Variants in CDK5RAP2 observed in about 807,000 individuals in gnomAD.
CDK5RAP2 encodes the protein CDK5 regulatory subunit-associated protein 2.
Under a neutral mutation model 232.9 loss-of-function variants are expected in CDK5RAP2, and 147 were observed. The observed-to-expected ratio is 0.63, with a 90% CI of 0.55 to 0.72. The LOEUF is 0.72. Among genes scored for constraint, CDK5RAP2 ranks in the 30% least tolerant of loss-of-function variants. The probability of loss-of-function intolerance (pLI) is 0.00; values close to 1 mark genes in which losing one functional copy is unlikely to be tolerated. For missense variants in CDK5RAP2, 2,195 were observed against 2,231.5 expected (o/e 0.98, Z 0.33); for synonymous variants, 833 against 833.7 (o/e 1.00, Z 0.01).
chr9:120,453,820 G>C lies in CDK5RAP2; in HGVS notation c.2429C>G (p.Thr810Arg). 1.2e-6 allele frequency: 2 copies of C among 1,614,186 alleles called. No homozygotes were observed. The highest frequency in any genetic ancestry group is 2.2e-5 in the South Asian group (2 of 91,088). ...GTGTTCTCCAGAAACTTCCTGCTCT[G>C]TCAAGAATAGTTGTCCCAGAAGCAG... Reference protein sequence around the residue: ...RELLLGQLFLTEQEVSGEHLD... With the variant: ...RELLLGQLFLREQEVSGEHLD... The change falls in exon 21 of 38, where the codon ACA becomes AGA. Residue 810 changes from threonine (T) to arginine (R), a missense_variant. By Grantham distance (71) the Thr-to-Arg change is moderately conservative. Transcript: ENST00000349780.
chr9:120,530,106 T>C lies in CDK5RAP2; in HGVS notation c.697A>G (p.Lys233Glu), dbSNP rs2041083379. Residue 233 changes from lysine to glutamate, a missense_variant, in exon 8 of 38, where the codon AAA becomes GAA. Lys to Glu is a moderately conservative substitution (Grantham distance 56). Transcript: ENST00000349780. ...IEELKLSLKSKEALIQCLKEE... is the reference protein window; with the variant it reads ...IEELKLSLKSEEALIQCLKEE... ...TTAAGGCACTGAATTAAAGCTTCTT[T>C]GCTCTTCAAAGACAGCTTCAACTCC... The C allele has an allele frequency of 1.2e-6, 2 of 1,613,806 alleles. No homozygotes were observed. Among genetic ancestry groups the C allele is most frequent in the African/African-American group, 2.7e-5 (2 of 74,932 alleles).
intron 12 of CDK5RAP2, among the ~76,000 whole-genome samples, chr9:120,515,001 G>C (rs1214368397): frequency 6.6e-6 from 1 of 151,932 alleles, no homozygotes; most frequent in East Asian, 1.9e-4. Context: ...AATTTCAAAT[G>C]ATTACAAAGA....
intron 18 of CDK5RAP2, among the ~76,000 whole-genome samples, chr9:120,463,509 A>G (rs1357466881): frequency 6.6e-6 from 1 of 152,194 alleles, no homozygotes; most frequent in Non-Finnish European, 1.5e-5. Flanking sequence ...ACTGCCCAGG[A>G]AAGGTCCCCA....
chr9:120,403,659 A>C lies in CDK5RAP2; in HGVS notation c.5041+377T>G. On this transcript the variant is annotated intron_variant, in intron 33 of 37. Transcript: ENST00000349780. The surrounding 1 kb of genome is among the most constrained non-coding windows in gnomAD (Gnocchi z 4.2). ...GCAAAGAGTGGGACAAAGGGGGTCT[A>C]AAAGTCACAGTGAGAGGAAAGTGTG... 2.9e-6 allele frequency: 1 copy of C among 340,494 alleles called. No homozygotes were observed. The highest frequency in any genetic ancestry group is 2.8e-5 in the South Asian group (1 of 35,484). The allele number at this position is 340,494 out of a possible 1,614,324, so 21.1% of individuals were successfully genotyped here.
intron 31 of CDK5RAP2, chr9:120,408,087 C>T (rs1182785126): frequency 2.0e-6 from 1 of 503,138 alleles, no homozygotes; most frequent in Admixed American, 3.1e-5. Context: ...AAGTGGCCTA[C>T]TGAGGGTCAC....
intron 31 of CDK5RAP2, chr9:120,407,714 A>AT (rs1424571084): frequency 1.2e-5 from 2 of 160,508 alleles, no homozygotes; most frequent in African/African-American, 2.5e-5. Context: ...AGTAAAATAA[A>AT]AAAAAAAAAA....
rs1038090722 is a variant in CDK5RAP2, at chr9:120,440,239, G to A, written c.3149-267C>T. 26 of 492,526 alleles carry A rather than the reference G, an allele frequency of 5.3e-5. 1 individual carries two copies. Among genetic ancestry groups the A allele is most frequent in the South Asian group, 4.5e-4 (21 of 46,192 alleles). 30.5% of individuals were successfully genotyped at this position (492,526 alleles called of 1,614,324 possible). A position where few individuals can be genotyped will look rare whatever the true frequency, so the allele number is the denominator to read the frequency against. On this transcript the variant is annotated intron_variant, in intron 23 of 37. Coordinates refer to ENST00000349780, the MANE Select transcript of CDK5RAP2 (RefSeq NM_018249.6). Reference sequence around the variant, plus strand: ...TGTTCTAAAAAGTAATTTTAACCATGATAAACCCACACACACACCCCCTAA... The same window carrying A: ...TGTTCTAAAAAGTAATTTTAACCATAATAAACCCACACACACACCCCCTAA...
chr9:120,403,984 T>G lies in CDK5RAP2; in HGVS notation c.5041+52A>C. 8.0e-7 allele frequency: 1 copy of G among 1,253,484 alleles called. No homozygotes were observed. Among genetic ancestry groups the G allele is most frequent in the Non-Finnish European group, 1.2e-6 (1 of 850,836 alleles). 77.6% of individuals were successfully genotyped at this position (1,253,484 alleles called of 1,614,324 possible). A position where few individuals can be genotyped will look rare whatever the true frequency, so the allele number is the denominator to read the frequency against. The stretch of plus-strand genomic sequence containing the variant: ...CCCCCCTTTTCTGCAAGTTAAAAAG[T>G]CTTACTGTCACATCCAATGCTCCCA... On this transcript the variant is annotated intron_variant, in intron 33 of 37. Coordinates refer to ENST00000349780, the MANE Select transcript of CDK5RAP2 (RefSeq NM_018249.6). The surrounding 1 kb of genome is among the most constrained non-coding windows in gnomAD (Gnocchi z 4.2).
intron 26 of CDK5RAP2, among the ~76,000 whole-genome samples, chr9:120,421,918 A>G (rs2034589926): frequency 6.6e-6 from 1 of 152,236 alleles, no homozygotes; most frequent in Non-Finnish European, 1.5e-5. Context: ...TCTGACCCAC[A>G]GCTTCCTCAT....
intron 18 of CDK5RAP2, among the ~76,000 whole-genome samples, chr9:120,463,167 C>A (rs760842773): frequency 1.3e-5 from 2 of 152,062 alleles, no homozygotes; most frequent in Non-Finnish European, 2.9e-5. Flanking sequence ...GTCAGGAGAT[C>A]GAGACCATCC....
chr9:120,401,316 T>C (rs1005697579), intron 34 of CDK5RAP2, among the ~76,000 whole-genome samples: 1 of 152,124 alleles, frequency 6.6e-6, no homozygotes, highest in Non-Finnish European at 1.5e-5. Context: ...GGTCTTGTAC[T>C]GCTGGCAGAG....
At chr9:120,462,767 T>C (rs1450725343) in intron 18 of CDK5RAP2, among the ~76,000 whole-genome samples, 2 of 152,154 alleles carry the variant, frequency 1.3e-5, no homozygotes, top group African/African-American at 4.8e-5. Flanking sequence ...ACAGAGGACA[T>C]GCAGGCTCTT....
intron 25 of CDK5RAP2, among the ~76,000 whole-genome samples, chr9:120,428,046 C>A (rs1338287958): frequency 6.6e-6 from 1 of 152,182 alleles, no homozygotes; most frequent in Non-Finnish European, 1.5e-5. Context: ...TAAAAATGTT[C>A]TTTGAAGCCA....
chr9:120,520,822 A>G (rs2040607449), intron 11 of CDK5RAP2, among the ~76,000 whole-genome samples: 2 of 151,518 alleles, frequency 1.3e-5, no homozygotes, highest in Non-Finnish European at 2.9e-5. Context: ...TATCTCATAT[A>G]TATCTCATAT....
intron 20 of CDK5RAP2, among the ~76,000 whole-genome samples, chr9:120,456,146 G>A (rs1026060332): frequency 3.3e-5 from 5 of 152,204 alleles, no homozygotes; most frequent in African/African-American, 1.2e-4. Flanking sequence ...AATAAATGGG[G>A]GAAGTAGAGA....
intron 12 of CDK5RAP2, chr9:120,517,729 T>G (rs998583813): frequency 5.3e-6 from 1 of 188,116 alleles, no homozygotes; most frequent in Non-Finnish European, 1.1e-5. Flanking sequence ...CCTTAAAATA[T>G]TCATACTCTT....
intron 20 of CDK5RAP2, among the ~76,000 whole-genome samples, chr9:120,457,610 T>C (rs1056433397): frequency 6.6e-6 from 1 of 152,214 alleles, no homozygotes; most frequent in African/African-American, 2.4e-5. Flanking sequence ...TCCCGTTTTT[T>C]AGCTGAAGAA....
intron 25 of CDK5RAP2, among the ~76,000 whole-genome samples, chr9:120,434,805 T>C (rs2131460294): frequency 6.6e-6 from 1 of 152,292 alleles, no homozygotes; most frequent in African/African-American, 2.4e-5. Context: ...AACTGATCCT[T>C]GGATTTGGCA....
intron 20 of CDK5RAP2, among the ~76,000 whole-genome samples, chr9:120,457,993 T>A (rs898742049): frequency 7.2e-5 from 11 of 152,240 alleles, no homozygotes; most frequent in African/African-American, 2.7e-4. Flanking sequence ...TTTTTTGTTT[T>A]AAGGAAAACA....
Sources: gnomAD v4.1 joint callset for allele counts (sites outside exome capture counted in the v4.1 genomes callset) on GRCh38, gnomAD v4.1.1 for gene constraint, Gnocchi (gnomAD v3.1) non-coding constraint, MANE v1.5 for transcripts, NCBI Gene and HGNC (gene_info 2026-07-23, HGNC 2026-07-21) for gene names.